UGT8: variants seen among roughly 807,000 people sequenced by gnomAD.
UGT8 encodes the protein UDP glycosyltransferase 8.
In UGT8, 12 loss-of-function variants were observed where a neutral mutation model predicts 40.5. The observed-to-expected ratio is 0.30, with a 90% confidence interval of 0.19 to 0.48. The LOEUF is 0.48. UGT8 is among the 20% of genes least tolerant of loss of function. The pLI is 0.99. For synonymous variants in UGT8, 224 were observed against 240.4 expected (o/e 0.93, Z 0.63); for missense variants, 513 against 648.7 (o/e 0.79, Z 2.27).
chr4:114,640,320 G>A (rs947163492), intron 2 of UGT8, among the ~76,000 whole-genome samples: 3 of 151,968 alleles, frequency 2.0e-5, no homozygotes, highest in African/African-American at 2.4e-5. Flanking sequence ...GTGAGCCACC[G>A]CGCCCGGCCA....
At chr4:114,604,267 A>G (rs2126083704) in intron 1 of UGT8, among the ~76,000 whole-genome samples, 1 of 152,344 alleles carries the variant, frequency 6.6e-6, no homozygotes. Flanking sequence ...CATTGATTAT[A>G]CATTTTAGTA....
chr4:114,658,120 G>A (rs1215054309), intron 2 of UGT8, among the ~76,000 whole-genome samples: 1 of 152,096 alleles, frequency 6.6e-6, no homozygotes, highest in Non-Finnish European at 1.5e-5. Flanking sequence ...AAGAGCATTT[G>A]CTATCAAAAT....
At chr4:114,665,368 T>C (rs1465340164) in intron 3 of UGT8, 7 of 985,130 alleles carry the variant, frequency 7.1e-6, no homozygotes, top group Non-Finnish European at 8.4e-6. Context: ...ACTTCTAGTG[T>C]AGGTTTATTT....
intron 2 of UGT8, among the ~76,000 whole-genome samples, chr4:114,662,983 A>ATT (rs549206375): frequency 1.4e-5 from 2 of 143,974 alleles, no homozygotes. Flanking sequence ...TGCCCAGCTA[A>ATT]TTTTTTTTTT....
chr4:114,598,681 C>T (rs1477307056), upstream of UGT8: 2 of 70,110 alleles, frequency 2.9e-5, no homozygotes, highest in Non-Finnish European at 7.8e-5. Flanking sequence ...CTCTGCTCGC[C>T]GCACGCAGGG....
intron 2 of UGT8, among the ~76,000 whole-genome samples, chr4:114,640,232 G>C (rs1011297057): frequency 6.6e-6 from 1 of 151,268 alleles, no homozygotes; most frequent in Admixed American, 6.6e-5. Flanking sequence ...GGGTTTCACC[G>C]TGTTAGCCAG....
At chr4:114,603,669 A>G (rs1730572154) in intron 1 of UGT8, among the ~76,000 whole-genome samples, 1 of 152,166 alleles carries the variant, frequency 6.6e-6, no homozygotes, top group Admixed American at 6.5e-5. Flanking sequence ...AGCCCCGAAT[A>G]GCTCTGTGAC....
At chr4:114,647,176 G>T (rs751922618) in intron 2 of UGT8, among the ~76,000 whole-genome samples, 24 of 152,106 alleles carry the variant, frequency 1.6e-4, no homozygotes, top group Non-Finnish European at 3.1e-4. Context: ...GTCTCCAGTA[G>T]TATTGCCTGA....
At chr4:114,669,458 G>A (rs1351509429) in intron 5 of UGT8, among the ~76,000 whole-genome samples, 1 of 151,924 alleles carries the variant, frequency 6.6e-6, no homozygotes, top group Non-Finnish European at 1.5e-5. Context: ...GTGTATGTAT[G>A]TATCTATCTT....
At chr4:114,643,354 A>C (rs1225867436) in intron 2 of UGT8, among the ~76,000 whole-genome samples, 1 of 152,198 alleles carries the variant, frequency 6.6e-6, no homozygotes, top group Non-Finnish European at 1.5e-5. Flanking sequence ...ATAATTAGGC[A>C]GGACTGTCCT....
intron 1 of UGT8, among the ~76,000 whole-genome samples, chr4:114,622,030 T>G (rs1731831683): frequency 1.3e-5 from 2 of 152,150 alleles, no homozygotes; most frequent in African/African-American, 4.8e-5. Flanking sequence ...TGTATACATG[T>G]GACATACTGG....
At chr4:114,610,749 T>C (rs1730990397) in intron 1 of UGT8, among the ~76,000 whole-genome samples, 1 of 152,160 alleles carries the variant, frequency 6.6e-6, no homozygotes, top group Admixed American at 6.6e-5. Flanking sequence ...GGAAAATACC[T>C]AGAGTTTTGT....
intron 1 of UGT8, among the ~76,000 whole-genome samples, chr4:114,615,048 T>C (rs981806893): frequency 6.6e-6 from 1 of 152,184 alleles, no homozygotes; most frequent in South Asian, 2.1e-4. Context: ...GAAAGATACA[T>C]GTTTAAAACG....
chr4:114,666,687 C>A (rs1458800536), intron 4 of UGT8, among the ~76,000 whole-genome samples: 1 of 152,090 alleles, frequency 6.6e-6, no homozygotes, highest in Admixed American at 6.5e-5. Flanking sequence ...GTATGAACAT[C>A]TAAACTTTTA....
At chr4:114,658,096 C>T (rs988416637) in intron 2 of UGT8, among the ~76,000 whole-genome samples, 1 of 152,076 alleles carries the variant, frequency 6.6e-6, no homozygotes. Context: ...CATTTGATAT[C>T]CCAAGATTTT....
intron 2 of UGT8, among the ~76,000 whole-genome samples, chr4:114,623,987 T>G (rs943709901): frequency 9.9e-5 from 15 of 152,160 alleles, no homozygotes; most frequent in African/African-American, 3.1e-4. Context: ...TTATAGTATG[T>G]GAGGAGAATA....
At chr4:114,667,118 A>C (rs570834090) in intron 4 of UGT8, among the ~76,000 whole-genome samples, 1 of 152,222 alleles carries the variant, frequency 6.6e-6, no homozygotes, top group Admixed American at 6.5e-5. Context: ...AGAGTCAGAA[A>C]AGCCACTTGT....
intron 1 of UGT8, among the ~76,000 whole-genome samples, chr4:114,618,556 G>A (rs2126094463): frequency 6.6e-6 from 1 of 152,240 alleles, no homozygotes; most frequent in East Asian, 1.9e-4. Context: ...GGGAGAAAAG[G>A]AATGGAAACA....
intron 5 of UGT8, among the ~76,000 whole-genome samples, chr4:114,674,800 T>C (rs1381248483): frequency 6.6e-6 from 1 of 152,232 alleles, no homozygotes; most frequent in East Asian, 1.9e-4. Context: ...ATATCCTCCA[T>C]GATAGATTTT....
Sources: gnomAD v4.1 joint callset for allele counts (sites outside exome capture counted in the v4.1 genomes callset) on GRCh38, gnomAD v4.1.1 for gene constraint, MANE v1.5 for transcripts, NCBI Gene and HGNC (gene_info 2026-07-23, HGNC 2026-07-21) for gene names.